CELF4: variants seen among roughly 807,000 people sequenced by gnomAD.
CELF4 encodes CUGBP Elav-like family member 4.
CELF4 carries 18 observed loss-of-function variants against 59.9 expected under a neutral mutation model. That is an observed-to-expected ratio of 0.30 (90% CI 0.21 to 0.45). The LOEUF is 0.45. Ranked by LOEUF, CELF4 falls within the 20% of genes least tolerant of loss-of-function variation. CELF4 has a pLI of 1.00. For missense variants in CELF4, 456 were observed against 689.0 expected (o/e 0.66, Z 3.79); for synonymous variants, 261 against 267.1 (o/e 0.98, Z 0.22).
intron 11 of CELF4, 149 bp downstream of exon 11, chr18:37,259,032 A>G: frequency 7.5e-6 from 9 of 1,203,016 alleles, no homozygotes; most frequent in Non-Finnish European, 1.1e-5. Flanking sequence ...AATGTGAAGG[A>G]GCAGGTTAAA....
chr18:37,256,911 A>C (rs927720797), intron 11 of CELF4, among the ~76,000 whole-genome samples: 1 of 152,294 alleles, frequency 6.6e-6, no homozygotes, highest in Non-Finnish European at 1.5e-5. Context: ...GGCCTCTGGG[A>C]TATTGGCAGA....
chr18:37,453,815 A>T (rs2099770743), intron 2 of CELF4, among the ~76,000 whole-genome samples: 1 of 152,196 alleles, frequency 6.6e-6, no homozygotes, highest in Admixed American at 6.5e-5. Context: ...TGCCGATATG[A>T]GCCTCTGTAC....
In CELF4 at chr18:37,565,623, T is replaced by C. The variant is rs776831621; in HGVS notation, c.19A>G (p.Thr7Ala). The change falls in exon 1 of 13, where the codon ACG becomes GCG. Residue 7 changes from threonine (T) to alanine (A), a missense_variant. Thr to Ala is a moderately conservative substitution (Grantham distance 58, BLOSUM62 0). Coordinates refer to ENST00000420428, the MANE Select transcript of CELF4 (RefSeq NM_020180.4). ...TTGTCAGCCTGTCCGTTTGCTAACG[T>C]GGCCATCTTTATATACATAGAGAAA... MYIKMA[T>A]LANGQADNAS... The C allele has an allele frequency of 6.2e-7, 1 of 1,602,776 alleles. No homozygotes were observed. Among genetic ancestry groups the C allele is most frequent in the Non-Finnish European group, 8.5e-7 (1 of 1,173,330 alleles).
intron 9 of CELF4, among the ~76,000 whole-genome samples, chr18:37,265,616 C>A (rs2077162428): frequency 6.6e-6 from 1 of 152,160 alleles, no homozygotes; most frequent in African/African-American, 2.4e-5. Context: ...GATTGTCCAA[C>A]TGGAAAGGGC....
intron 2 of CELF4, among the ~76,000 whole-genome samples, chr18:37,375,104 G>T (rs1459239115): frequency 1.3e-5 from 2 of 152,190 alleles, no homozygotes; most frequent in African/African-American, 4.8e-5. Context: ...GGCAGGGGAA[G>T]CTGTGTCTAG....
intron 2 of CELF4, among the ~76,000 whole-genome samples, chr18:37,337,362 G>T (rs2097804949): frequency 6.6e-6 from 1 of 152,136 alleles, no homozygotes; most frequent in Non-Finnish European, 1.5e-5. Context: ...AGATGGCCTG[G>T]CCTCAATACT....
At chr18:37,396,275 G>T (rs2099244087) in intron 2 of CELF4, among the ~76,000 whole-genome samples, 1 of 152,192 alleles carries the variant, frequency 6.6e-6, no homozygotes, top group South Asian at 2.1e-4. Context: ...GTGGCCCCTG[G>T]CCTCAGTGCT....
chr18:37,508,708 G>A (rs1302855860), intron 1 of CELF4, among the ~76,000 whole-genome samples: 1 of 152,230 alleles, frequency 6.6e-6, no homozygotes, highest in Non-Finnish European at 1.5e-5. Context: ...CTGGTGGACT[G>A]GGGGCCTGAA....
intron 2 of CELF4, among the ~76,000 whole-genome samples, chr18:37,331,128 A>G (rs1441378096): frequency 6.6e-6 from 1 of 152,144 alleles, no homozygotes; most frequent in East Asian, 1.9e-4. Flanking sequence ...ACCCCTCTCC[A>G]TTCAGACTTC....
chr18:37,556,651 T>C (rs2154606105), intron 1 of CELF4, among the ~76,000 whole-genome samples: 1 of 152,256 alleles, frequency 6.6e-6, no homozygotes. Context: ...TGGTCTACAG[T>C]GAGTGATCCC....
At chr18:37,383,959 G>A (rs1008585541) in intron 2 of CELF4, among the ~76,000 whole-genome samples, 3 of 152,124 alleles carry the variant, frequency 2.0e-5, no homozygotes, top group Admixed American at 6.5e-5. Flanking sequence ...GGTGGGGGGC[G>A]GTGCGTGGAG....
At chr18:37,335,863 T>A (rs2097755889) in intron 2 of CELF4, among the ~76,000 whole-genome samples, 1 of 152,132 alleles carries the variant, frequency 6.6e-6, no homozygotes, top group African/African-American at 2.4e-5. Flanking sequence ...CTGGTCATTC[T>A]CCCTGGCATG....
intron 2 of CELF4, among the ~76,000 whole-genome samples, chr18:37,449,747 G>A (rs1024008764): frequency 1.3e-5 from 2 of 152,220 alleles, no homozygotes; most frequent in African/African-American, 4.8e-5. Context: ...GTGAGAGAGT[G>A]AGCCAAGTGA....
intron 3 of CELF4, among the ~76,000 whole-genome samples, chr18:37,297,323 T>C (rs1260085348): frequency 2.0e-5 from 3 of 152,170 alleles, no homozygotes; most frequent in African/African-American, 7.2e-5. Context: ...GGGGTAAGCA[T>C]TGCTGTCTTC....
At chr18:37,263,339 T>C (rs2075846627) in intron 10 of CELF4, among the ~76,000 whole-genome samples, 1 of 152,078 alleles carries the variant, frequency 6.6e-6, no homozygotes, top group African/African-American at 2.4e-5. Context: ...TGTCAAATGA[T>C]GTTGGACCAG....
chr18:37,562,810 C>T (rs1167019680), intron 1 of CELF4, among the ~76,000 whole-genome samples: 1 of 152,174 alleles, frequency 6.6e-6, no homozygotes, highest in Admixed American at 6.5e-5. Flanking sequence ...TCTCTGAGAG[C>T]TTGCAAGCAC....
At chr18:37,479,445 C>T (rs2099859970) in intron 2 of CELF4, among the ~76,000 whole-genome samples, 1 of 152,306 alleles carries the variant, frequency 6.6e-6, no homozygotes, top group South Asian at 2.1e-4. Context: ...GGATATTTAG[C>T]GGCAGCCCTG....
intron 1 of CELF4, among the ~76,000 whole-genome samples, chr18:37,548,321 G>A (rs1172331997): frequency 3.9e-5 from 6 of 152,162 alleles, no homozygotes; most frequent in South Asian, 2.1e-4. Context: ...AAGCGTGGCC[G>A]GCTTGAGCAT....
chr18:37,335,333 G>A (rs2097727490), intron 2 of CELF4, among the ~76,000 whole-genome samples: 2 of 152,268 alleles, frequency 1.3e-5, no homozygotes, highest in South Asian at 4.1e-4. Flanking sequence ...GAGGGCTGGA[G>A]TGTATGGTGA....
Sources: allele counts gnomAD v4.1 joint callset (sites outside exome capture counted in the v4.1 genomes callset), GRCh38; gene constraint gnomAD v4.1.1; transcripts MANE v1.5; gene names NCBI Gene and HGNC (gene_info 2026-07-23, HGNC 2026-07-21).